NXNL2: variants seen among roughly 807,000 people sequenced by gnomAD.
NXNL2 encodes nucleoredoxin-like protein 2.
Under a neutral mutation model 11.1 loss-of-function variants are expected in NXNL2, and 7 were observed. That is an observed-to-expected ratio of 0.63 (90% CI 0.36 to 1.18). The LOEUF is 1.18. Among genes scored for constraint, NXNL2 ranks in the 50% most tolerant of loss-of-function variants. The pLI is 0.02. For missense variants in NXNL2, 233 were observed against 217.7 expected (o/e 1.07, Z -0.44); for synonymous variants, 109 against 101.8 (o/e 1.07, Z -0.42).
chr9:88,566,822 G>T (rs186503446), intron 1 of NXNL2, among the ~76,000 whole-genome samples: 1 of 151,902 alleles, frequency 6.6e-6, no homozygotes, highest in South Asian at 2.1e-4. Context: ...TTTTAGTTAC[G>T]TTTATTCCTA....
intron 1 of NXNL2, among the ~76,000 whole-genome samples, chr9:88,541,885 G>A (rs569442774): frequency 6.4e-4 from 97 of 152,050 alleles, no homozygotes; most frequent in Non-Finnish European, 1.3e-3. Flanking sequence ...TGTCATCTGC[G>A]TTACTATTTC....
rs974162813 is a variant in NXNL2 at position 88,535,654 on chromosome 9, G to A, written c.220G>A (p.Gly74Ser). 3 of 1,608,532 alleles carry A rather than the reference G, an allele frequency of 1.9e-6. No homozygotes were observed. The highest frequency in any genetic ancestry group is 2.5e-6 in the Non-Finnish European group (3 of 1,179,332). Residue 74 changes from glycine to serine, a missense_variant, in exon 1 of 2, where the codon GGC becomes AGC. Transcript: ENST00000375854. ...PFEVVFVSAD[G>S]SSQEMLDFMR... ...CGAAGTGGTCTTCGTGTCAGCCGACGGCAGCTCCCAGGAGATGCTGGACTT... is the reference window on the plus strand; with the variant it reads ...CGAAGTGGTCTTCGTGTCAGCCGACAGCAGCTCCCAGGAGATGCTGGACTT...
At chr9:88,579,305 G>A (rs1013699846), downstream of NXNL2, among the ~76,000 whole-genome samples, 5 of 152,206 alleles carry the variant, frequency 3.3e-5, no homozygotes, top group African/African-American at 1.2e-4. Flanking sequence ...ATGCCTGAAG[G>A]ACGGGGGGCT....
In NXNL2 at chr9:88,535,514, AGGT is replaced by A. The variant is rs1423022112; in HGVS notation, c.86_88del (p.Val29del). ...GAGGCCGAGGCGGCGCTGCAGAACA[AGGT>A]GGTGGCACTGTACTTCGCGGCGGCC... On this transcript the variant is annotated inframe_deletion, in exon 1 of 2. Transcript: ENST00000375854. 44 of 1,610,110 alleles carry A rather than the reference AGGT, an allele frequency of 2.7e-5. No homozygotes were observed. The highest frequency in any genetic ancestry group is 3.6e-5 in the Non-Finnish European group (43 of 1,179,402).
At chr9:88,556,437 G>A (rs1198427610) in intron 1 of NXNL2, among the ~76,000 whole-genome samples, 1 of 152,128 alleles carries the variant, frequency 6.6e-6, no homozygotes, top group African/African-American at 2.4e-5. Flanking sequence ...GACATGAGAG[G>A]GGACCCGAAG....
At chr9:88,576,639 C>T (rs541236326), downstream of NXNL2, among the ~76,000 whole-genome samples, 16 of 152,248 alleles carry the variant, frequency 1.1e-4, no homozygotes, top group Admixed American at 5.9e-4. Context: ...AGCTATTCCT[C>T]GGGGCCCACA....
downstream of NXNL2, among the ~76,000 whole-genome samples, chr9:88,545,370 A>G (rs567609074): frequency 5.3e-5 from 8 of 152,162 alleles, no homozygotes; most frequent in Admixed American, 1.3e-4. Context: ...TTCTTATCCA[A>G]TCAGCTGGGA....
At chr9:88,556,922 CA>C (rs924605438) in intron 1 of NXNL2, among the ~76,000 whole-genome samples, 5 of 149,108 alleles carry the variant, frequency 3.4e-5, no homozygotes, top group East Asian at 2.0e-4. Flanking sequence ...CTAAAAAATG[CA>C]AAAAAAAATT....
intron 1 of NXNL2, among the ~76,000 whole-genome samples, chr9:88,537,831 T>C (rs1195811965): frequency 6.6e-6 from 1 of 152,156 alleles, no homozygotes; most frequent in Non-Finnish European, 1.5e-5. Flanking sequence ...AAAAGACAGT[T>C]CTGCAGAGAG....
chr9:88,540,839 G>C (rs947782399), intron 1 of NXNL2, among the ~76,000 whole-genome samples: 3 of 150,168 alleles, frequency 2.0e-5, no homozygotes, highest in Non-Finnish European at 3.0e-5. Context: ...TCCCCTCAAG[G>C]AGGTTCAGTC....
chr9:88,543,118 A>G (rs983114102), intron 1 of NXNL2, among the ~76,000 whole-genome samples: 5 of 152,106 alleles, frequency 3.3e-5, no homozygotes, highest in African/African-American at 4.8e-5. Flanking sequence ...TAAAAAGACC[A>G]CTCATCAGGT....
At chr9:88,578,199 T>C (rs1830368609), downstream of NXNL2, among the ~76,000 whole-genome samples, 1 of 152,178 alleles carries the variant, frequency 6.6e-6, no homozygotes, top group African/African-American at 2.4e-5. Flanking sequence ...CCAAAATAAC[T>C]GGACGCAGGA....
In NXNL2 at chr9:88,543,792, G is replaced by A. The variant is rs546359055; in HGVS notation, c.303-587G>A. Among the ~76,000 whole-genome samples, 90 of 152,318 alleles carry A rather than the reference G, an allele frequency of 5.9e-4. 2 individuals carry two copies. The South Asian group carries it at 0.013, about 22-fold the overall frequency. ...ATTCTGAGCTCTCCCAGCCATACGT[G>A]GCTGGTGGCTACTGGATTGGGTAGC... On this transcript the variant is annotated intron_variant, in intron 1 of 1. Coordinates refer to ENST00000375854, the MANE Select transcript of NXNL2 (RefSeq NM_001161625.2).
At chr9:88,538,898 T>C (rs1376430095) in intron 1 of NXNL2, among the ~76,000 whole-genome samples, 1 of 148,710 alleles carries the variant, frequency 6.7e-6, no homozygotes, top group Non-Finnish European at 1.5e-5. Context: ...GAATCCGAGG[T>C]GCAGGAGGTT....
rs992590766 is a variant in NXNL2, at chr9:88,544,576, A to C, written c.*29A>C. 9 of 1,491,464 alleles carry C rather than the reference A, an allele frequency of 6.0e-6. No individual in the cohort carries two copies. The highest frequency in any genetic ancestry group is 8.1e-6 in the Non-Finnish European group (9 of 1,116,070). The allele number at this position is 1,491,464 out of a possible 1,614,324, so 92.4% of individuals were successfully genotyped here. On this transcript the variant is annotated 3_prime_UTR_variant, in exon 2 of 2. Coordinates refer to ENST00000375854, the MANE Select transcript of NXNL2 (RefSeq NM_001161625.2). ...GGGAGGGACCTCAGAGGGCCAGGACAGGTGCTGCTTCTCCAGCACCGACGC... is the reference window on the plus strand; with the variant it reads ...GGGAGGGACCTCAGAGGGCCAGGACCGGTGCTGCTTCTCCAGCACCGACGC...
downstream of NXNL2, among the ~76,000 whole-genome samples, chr9:88,546,441 A>G (rs563366370): frequency 8.5e-5 from 11 of 129,118 alleles, no homozygotes; most frequent in African/African-American, 3.2e-4. Context: ...TTTTTCTGAG[A>G]CAGAGTCTCT....
At chr9:88,545,997 C>T (rs1440110644), downstream of NXNL2, among the ~76,000 whole-genome samples, 11 of 152,250 alleles carry the variant, frequency 7.2e-5, no homozygotes, top group East Asian at 1.9e-3. Flanking sequence ...GAACTCCTTA[C>T]CTCAGGTGAT....
At chr9:88,561,665 A>G (rs1249443481) in intron 1 of NXNL2, among the ~76,000 whole-genome samples, 1 of 152,136 alleles carries the variant, frequency 6.6e-6, no homozygotes, top group Non-Finnish European at 1.5e-5. Context: ...ATAAGCAAGC[A>G]CCAATAACAA....
intron 1 of NXNL2, among the ~76,000 whole-genome samples, chr9:88,541,879 A>G (rs1372503771): frequency 6.6e-6 from 1 of 152,192 alleles, no homozygotes; most frequent in Non-Finnish European, 1.5e-5. Flanking sequence ...ATACTTTGTC[A>G]TCTGCGTTAC....
Sources: gnomAD v4.1 joint callset for allele counts (sites outside exome capture counted in the v4.1 genomes callset) on GRCh38, gnomAD v4.1.1 for gene constraint, MANE v1.5 for transcripts, NCBI Gene and HGNC (gene_info 2026-07-23, HGNC 2026-07-21) for gene names.